HAUS6: variants seen among roughly 807,000 people sequenced by gnomAD.
HAUS6 encodes the protein HAUS augmin-like complex subunit 6.
In HAUS6, 80 loss-of-function variants were observed where a neutral mutation model predicts 106.8. The observed-to-expected ratio is 0.75, with a 90% confidence interval of 0.63 to 0.90. The LOEUF is 0.90. Ranked by LOEUF, HAUS6 falls within the 40% of genes least tolerant of loss-of-function variation. HAUS6 has a pLI of 0.00. For missense variants in HAUS6, 1,155 were observed against 1,118.1 expected (o/e 1.03, Z -0.47); for synonymous variants, 356 against 379.1 (o/e 0.94, Z 0.71).
chr9:19,087,540 C>T (rs550530994), intron 5 of HAUS6, among the ~76,000 whole-genome samples: 9 of 152,292 alleles, frequency 5.9e-5, no homozygotes, highest in Non-Finnish European at 8.8e-5. Context: ...AGTTATCCTA[C>T]TGTAACTGTT....
At chr9:19,082,449 C>T (rs542806125) in intron 8 of HAUS6, among the ~76,000 whole-genome samples, 1 of 152,118 alleles carries the variant, frequency 6.6e-6, no homozygotes. Context: ...ACTAAACACA[C>T]TCATAGAAAT....
In HAUS6 at chr9:19,058,087, G is replaced by A; in HGVS notation, c.2680C>T (p.Pro894Ser). The change falls in exon 16 of 17, where the codon CCA becomes TCA. Residue 894 changes from proline to serine, a missense_variant. Coordinates refer to ENST00000380502, the MANE Select transcript of HAUS6 (RefSeq NM_017645.5). ...TCACCGATGGACGTGCGTAAAGATG[G>A]CTTTATATGCTCAGTATGCAAATCA... ...TCDLHTEHIK[P>S]SLRTSIGERK... is the part of the protein sequence containing the mutation. 3 of 1,614,014 alleles carry A rather than the reference G, an allele frequency of 1.9e-6. No individual in the cohort carries two copies. Among genetic ancestry groups the A allele is most frequent in the East Asian group, 4.5e-5 (2 of 44,886 alleles).
chr9:19,086,577 G>A (rs1355281186), intron 7 of HAUS6, among the ~76,000 whole-genome samples, 157 bp downstream of exon 7: 3 of 149,236 alleles, frequency 2.0e-5, no homozygotes, highest in Non-Finnish European at 4.4e-5. Flanking sequence ...CCAAAATCAT[G>A]CCACTGCACT....
chr9:19,096,076 CTTAA>C (rs1452088037), intron 2 of HAUS6, among the ~76,000 whole-genome samples: 4 of 151,878 alleles, frequency 2.6e-5, no homozygotes, highest in Non-Finnish European at 4.4e-5. Flanking sequence ...CAATAATTTG[CTTAA>C]TTATTAAGAC....
chr9:19,085,324 G>A lies in HAUS6; in HGVS notation c.699+1410C>T, dbSNP rs140644497. Among the ~76,000 whole-genome samples, 629 of 152,136 alleles carry A rather than the reference G, an allele frequency of 4.1e-3. 3 individuals carry two copies. The highest frequency in any genetic ancestry group is 0.015 in the African/African-American group (604 of 41,494). Reference sequence around the variant, plus strand: ...GAGACTGATGTGAAAACTTTAATAGGTTCTGCAAATTATTTTAATTATATA... The same window carrying A: ...GAGACTGATGTGAAAACTTTAATAGATTCTGCAAATTATTTTAATTATATA... On this transcript the variant is annotated intron_variant, in intron 7 of 16. Coordinates refer to ENST00000380502, the MANE Select transcript of HAUS6 (RefSeq NM_017645.5).
chr9:19,095,345 C>G (rs778559481), intron 2 of HAUS6, among the ~76,000 whole-genome samples: 3 of 151,978 alleles, frequency 2.0e-5, no homozygotes, highest in Non-Finnish European at 4.4e-5. Flanking sequence ...TAACTACATT[C>G]AGTATTCACA....
Position 19,083,056 on chromosome 9 carries a change from A to C in HAUS6, c.700-13T>G, listed in dbSNP as rs1431117805. 6.4e-7 allele frequency: 1 copy of C among 1,550,910 alleles called. No individual in the cohort carries two copies. On this transcript the variant is annotated splice_polypyrimidine_tract_variant and intron_variant, in intron 7 of 16. Transcript: ENST00000380502. ...ACAAAGACCGAACCTTTGGAAACAG[A>C]AACAAAATATTAAAGTCCACACATA...
In HAUS6 at chr9:19,063,554, A is replaced by T. The variant is rs759976308; in HGVS notation, c.1403T>A (p.Val468Asp). The change falls in exon 13 of 17, where the codon GTT becomes GAT. Residue 468 changes from valine (V) to aspartate (D), a missense_variant. Physicochemically the swap from Val to Asp is radical, Grantham distance 152. Around this residue, in one of 3 missense-constraint regions of HAUS6, gnomAD observed 761 missense variants for 690.0 expected, o/e 1.10. Coordinates refer to ENST00000380502, the MANE Select transcript of HAUS6 (RefSeq NM_017645.5). ...NSPASFLSQSVSSSDRNSVTV... is the reference protein window; with the variant it reads ...NSPASFLSQSDSSSDRNSVTV... Reference sequence around the variant, plus strand: ...AACACTGTTTCTATCTGATGATGAAACTGACTGCGACAAGAAAGAGGCAGG... The same window carrying T: ...AACACTGTTTCTATCTGATGATGAATCTGACTGCGACAAGAAAGAGGCAGG... 6.2e-7 allele frequency: 1 copy of T among 1,607,368 alleles called. No homozygotes were observed. Among genetic ancestry groups the T allele is most frequent in the East Asian group, 2.2e-5 (1 of 44,836 alleles).
At chr9:19,056,724 C>T (rs1836480792) in intron 16 of HAUS6, 1 of 226,714 alleles carries the variant, frequency 4.4e-6, no homozygotes, top group South Asian at 9.6e-5. Flanking sequence ...CCTCAGCCTC[C>T]TGTGTACCTG....
intron 3 of HAUS6, among the ~76,000 whole-genome samples, chr9:19,093,757 T>A (rs1239275263): frequency 6.6e-6 from 1 of 152,092 alleles, no homozygotes; most frequent in East Asian, 1.9e-4. Flanking sequence ...TAATCCCAGC[T>A]ACTCAGGAGG....
chr9:19,066,572 CT>C (rs1424444140), intron 12 of HAUS6, among the ~76,000 whole-genome samples: 3 of 151,488 alleles, frequency 2.0e-5, no homozygotes, highest in Non-Finnish European at 3.0e-5. Flanking sequence ...TATCATGGAA[CT>C]CCCCCCCACA....
intron 1 of HAUS6, among the ~76,000 whole-genome samples, chr9:19,101,088 T>C (rs1817977532): frequency 1.3e-5 from 2 of 152,192 alleles, no homozygotes; most frequent in South Asian, 4.1e-4. Context: ...AGAAAAGAAC[T>C]GAAATGTTTC....
At chr9:19,078,837 A>G (rs1454134706) in intron 9 of HAUS6, among the ~76,000 whole-genome samples, 2 of 129,014 alleles carry the variant, frequency 1.6e-5, no homozygotes, top group Admixed American at 1.5e-4. Flanking sequence ...AATTTTAAAA[A>G]ATTAGTTTAA....
At chr9:19,077,576 T>C (rs917157145) in intron 10 of HAUS6, among the ~76,000 whole-genome samples, 4 of 152,054 alleles carry the variant, frequency 2.6e-5, no homozygotes, top group African/African-American at 9.7e-5. Context: ...CATACAATCC[T>C]TCGAATCTAA....
chr9:19,083,244 C>G lies in HAUS6; in HGVS notation c.700-201G>C, dbSNP rs1050597065. Among the ~76,000 whole-genome samples, 3 of 151,984 alleles carry G rather than the reference C, an allele frequency of 2.0e-5. No individual in the cohort carries two copies. In the East Asian group the frequency reaches 5.8e-4, roughly 29 times the overall value. On this transcript the variant is annotated intron_variant, in intron 7 of 16. Coordinates refer to ENST00000380502, the MANE Select transcript of HAUS6 (RefSeq NM_017645.5). Reference sequence around the variant, plus strand: ...TTTTAAAAAAATGTATCAGGAGAATCTAGCTCACTATAATTTTCAAACAAA... The same window carrying G: ...TTTTAAAAAAATGTATCAGGAGAATGTAGCTCACTATAATTTTCAAACAAA...
At chr9:19,102,110 T>C (rs1418204577) in intron 1 of HAUS6, among the ~76,000 whole-genome samples, 3 of 152,142 alleles carry the variant, frequency 2.0e-5, no homozygotes, top group African/African-American at 4.8e-5. Flanking sequence ...AATTAAAAAA[T>C]TAAAAATTAT....
intron 12 of HAUS6, among the ~76,000 whole-genome samples, chr9:19,068,463 C>T (rs1453297171): frequency 6.6e-6 from 1 of 152,130 alleles, no homozygotes; most frequent in Non-Finnish European, 1.5e-5. Flanking sequence ...GGTTCTTCCA[C>T]AACTAGTCCT....
At chr9:19,087,523 T>C (rs535929499) in intron 5 of HAUS6, among the ~76,000 whole-genome samples, 1 of 152,312 alleles carries the variant, frequency 6.6e-6, no homozygotes, top group East Asian at 1.9e-4. Flanking sequence ...AACAAAGCAT[T>C]CTACAAAGTT....
intron 11 of HAUS6, 152 bp downstream of exon 11, chr9:19,076,450 A>G (rs898925033): frequency 3.1e-6 from 2 of 643,100 alleles, no homozygotes; most frequent in Non-Finnish European, 2.8e-6. Context: ...ATACTTTGCA[A>G]TAACTGAAAT....
Sources: allele counts gnomAD v4.1 joint callset (sites outside exome capture counted in the v4.1 genomes callset), GRCh38; gene constraint gnomAD v4.1.1; regional missense constraint gnomAD v4.1.1; transcripts MANE v1.5; gene names NCBI Gene and HGNC (gene_info 2026-07-23, HGNC 2026-07-21).